KCNG4: variants seen among roughly 807,000 people sequenced by gnomAD.
KCNG4 encodes voltage-gated potassium channel regulatory subunit KCNG4.
Under a neutral mutation model 28.2 loss-of-function variants are expected in KCNG4, and 30 were observed. The ratio of observed to expected loss-of-function variants is 1.06; its 90% CI spans 0.80 to 1.44. The LOEUF (loss-of-function observed/expected upper bound fraction) is 1.44. Ranked by LOEUF, KCNG4 falls within the 40% of genes most tolerant of loss-of-function variation. KCNG4 has a pLI of 0.00. For synonymous variants in KCNG4, 375 were observed against 315.5 expected, an observed-to-expected ratio of 1.19 and a Z score of -2.00; for missense variants, 879 against 712.3, an observed-to-expected ratio of 1.23 and a Z score of -2.66.
chr16:84,222,378 C>G lies in KCNG4; in HGVS notation c.1399G>C (p.Glu467Gln). The G allele has an allele frequency of 6.2e-7, 1 of 1,614,188 alleles. No individual in the cohort carries two copies. The highest frequency in any genetic ancestry group is 8.5e-7 in the Non-Finnish European group (1 of 1,180,018). ...AGGCGGGCCTGAAGCTGCTCCTGCT[C>G]CTTCTTGAGCTCCAGGTAGGAGTGG... ...FSHSYLELKK[E>Q]QEQLQARLRH... The change falls in exon 3 of 3, where the codon GAG becomes CAG. Residue 467 changes from glutamate (E) to glutamine (Q), a missense_variant. Physicochemically the swap from Glu to Gln is conservative, Grantham distance 29. Coordinates refer to ENST00000308251, the MANE Select transcript of KCNG4 (RefSeq NM_172347.3).
rs1249527296 is a variant in KCNG4 at position 84,228,721 on chromosome 16, C to T, written c.757-5701G>A. Among the ~76,000 whole-genome samples the T allele has an allele frequency of 2.0e-5, 3 of 152,220 alleles. 1 individual carries two copies. The highest frequency in any genetic ancestry group is 4.1e-4 in the South Asian group (2 of 4,830). On this transcript the variant is annotated intron_variant, in intron 2 of 2. Transcript: ENST00000308251. ...GGTCAGCCCCACCATGGGACCTGGC[C>T]GATGAGTCATCTCTCTGAAGGCGTC...
chr16:84,228,635 T>G (rs1207492874), intron 2 of KCNG4, among the ~76,000 whole-genome samples: 1 of 139,120 alleles, frequency 7.2e-6, no homozygotes, highest in Non-Finnish European at 1.5e-5. Context: ...TTCTAGCAGC[T>G]GTCCCCACTT....
In KCNG4 at chr16:84,239,919, ATT is replaced by A. The variant is rs57294981; in HGVS notation, c.-292_-291del. On this transcript the variant is annotated 5_prime_UTR_variant, in exon 1 of 3. Coordinates refer to ENST00000308251, the MANE Select transcript of KCNG4 (RefSeq NM_172347.3). ...GAGAGCCCTGGGGGATTGAGGTGGG[ATT>A]TTTTTTTTTTTTTAAAGGACCCAGA... 3.4e-3 allele frequency among the ~76,000 whole-genome samples: 505 copies of A among 148,692 alleles called. 2 individuals are homozygous for A. The highest frequency in any genetic ancestry group is 9.5e-3 in the African/African-American group (384 of 40,480).
intron 2 of KCNG4, among the ~76,000 whole-genome samples, chr16:84,228,692 A>G: frequency 6.6e-6 from 1 of 150,948 alleles, no homozygotes; most frequent in Non-Finnish European, 1.5e-5. Context: ...AACCAACCGG[A>G]CGGGGTCAGC....
Position 84,237,596 on chromosome 16 carries a change from C to T in KCNG4, c.-40-71G>A, listed in dbSNP as rs565167116. 4.7e-6 allele frequency: 5 copies of T among 1,061,978 alleles called. No individual in the cohort carries two copies. In the South Asian group the frequency reaches 1.1e-4, roughly 23 times the overall value. The allele number at this position is 1,061,978 out of a possible 1,614,324, so 65.8% of individuals were successfully genotyped here. A position where few individuals can be genotyped will look rare whatever the true frequency, so the allele number is the denominator to read the frequency against. On this transcript the variant is annotated intron_variant, in intron 1 of 2. Transcript: ENST00000308251. Reference sequence around the variant, plus strand: ...TCTTGGGGCAAAGAGTCCTGGATGTCACGACTGCAGATGTTCTTACGTGTG... The same window carrying T: ...TCTTGGGGCAAAGAGTCCTGGATGTTACGACTGCAGATGTTCTTACGTGTG...
intron 2 of KCNG4, 59 bp downstream of exon 2, chr16:84,236,671 A>G: frequency 6.6e-7 from 1 of 1,514,034 alleles, no homozygotes; most frequent in South Asian, 1.3e-5. Flanking sequence ...CCCCTAAAAG[A>G]CATCTCCGCC....
At chr16:84,229,492 C>G (rs1904774752) in intron 2 of KCNG4, among the ~76,000 whole-genome samples, 1 of 152,230 alleles carries the variant, frequency 6.6e-6, no homozygotes, top group Non-Finnish European at 1.5e-5. Flanking sequence ...TATCCACTGA[C>G]TCTGAATCTC....
At chr16:84,237,798 G>C (rs1905012384) in intron 1 of KCNG4, among the ~76,000 whole-genome samples, 1 of 152,190 alleles carries the variant, frequency 6.6e-6, no homozygotes, top group Admixed American at 6.5e-5. Flanking sequence ...ATGGGGGCTT[G>C]AGTAATTCAG....
At chr16:84,238,713 C>G (rs1236353409) in intron 1 of KCNG4, among the ~76,000 whole-genome samples, 1 of 152,072 alleles carries the variant, frequency 6.6e-6, no homozygotes, top group East Asian at 1.9e-4. Flanking sequence ...ACTAAAAATA[C>G]AAAAATTAGC....
intron 2 of KCNG4, among the ~76,000 whole-genome samples, chr16:84,233,701 G>A (rs919652176): frequency 6.6e-6 from 1 of 151,302 alleles, no homozygotes; most frequent in Non-Finnish European, 1.5e-5. Context: ...GTGAGATCCT[G>A]TCTCAAATTT....
chr16:84,231,014 C>T (rs1050696105), intron 2 of KCNG4, among the ~76,000 whole-genome samples: 12 of 152,180 alleles, frequency 7.9e-5, no homozygotes, highest in Non-Finnish European at 1.6e-4. Flanking sequence ...AGCCACCGGC[C>T]CCTGACTTGG....
At position 84,222,312 on chromosome 16, in the gene KCNG4, G is replaced by A. The variant is rs1210293310; in HGVS notation, c.1465C>T (p.Leu489Phe). ...QNTGPASECE[L>F]LDPHVASEHE... The stretch of plus-strand genomic sequence containing the variant: ...TCACTGGCCACATGGGGGTCCAGGA[G>A]TTCACATTCACTGGCTGGACCGGTG... Residue 489 changes from leucine to phenylalanine, a missense_variant, in exon 3 of 3, where the codon CTC becomes TTC. Physicochemically the swap from Leu to Phe is conservative, Grantham distance 22. Transcript: ENST00000308251. 23 of 1,614,218 alleles carry A rather than the reference G, an allele frequency of 1.4e-5. No homozygotes were observed. Among genetic ancestry groups the A allele is most frequent in the Admixed American group, 3.3e-5 (2 of 60,022 alleles).
chr16:84,225,214 G>T (rs146368725), intron 2 of KCNG4, among the ~76,000 whole-genome samples: 316 of 152,174 alleles, frequency 2.1e-3, no homozygotes, highest in African/African-American at 7.4e-3. Context: ...CCCACCGAGA[G>T]GTCTTTGCCA....
chr16:84,222,495 T>A lies in KCNG4; in HGVS notation c.1282A>T (p.Ser428Cys). 1 of 1,613,594 alleles carries A rather than the reference T, an allele frequency of 6.2e-7. No homozygotes were observed. Among genetic ancestry groups the A allele is most frequent in the Non-Finnish European group, 8.5e-7 (1 of 1,179,836 alleles). ...TVGYGDMVPR[S>C]VPGQMVALSS... is the part of the protein sequence containing the mutation. ...AGGGCCACCATCTGGCCTGGCACAC[T>A]GCGGGGCACCATGTCCCCGTAGCCC... Residue 428 changes from serine to cysteine, a missense_variant, in exon 3 of 3, where the codon AGT (serine) becomes TGT (cysteine). Transcript: ENST00000308251.
intron 2 of KCNG4, among the ~76,000 whole-genome samples, chr16:84,228,765 G>A (rs1354380398): frequency 2.6e-5 from 4 of 152,204 alleles, no homozygotes; most frequent in African/African-American, 9.7e-5. Context: ...TGTGAAGTGG[G>A]GAAGGTAACT....
intron 2 of KCNG4, among the ~76,000 whole-genome samples, chr16:84,224,937 A>G (rs943269387): frequency 3.3e-5 from 5 of 152,218 alleles, no homozygotes; most frequent in Admixed American, 3.3e-4. Flanking sequence ...GCGCAGTTTC[A>G]AATCCCATCT....
At position 84,222,018 on chromosome 16, in the gene KCNG4, C is replaced by T. The variant is rs1463901738; in HGVS notation, c.*199G>A. On this transcript the variant is annotated 3_prime_UTR_variant, in exon 3 of 3. Transcript: ENST00000308251. ...GAGAGGAAAAGGCAAGCAGGCTGGA[C>T]ACAGTCAGCCTGGGACATCGGGGCC... 4.9e-6 allele frequency: 3 copies of T among 610,998 alleles called. No individual in the cohort carries two copies. The African/African-American group carries it at 5.5e-5, about 11-fold the overall frequency. 37.8% of individuals were successfully genotyped at this position (610,998 alleles called of 1,614,324 possible). A position where few individuals can be genotyped will look rare whatever the true frequency, so the allele number is the denominator to read the frequency against.
chr16:84,224,415 C>T (rs984310829), intron 2 of KCNG4, among the ~76,000 whole-genome samples: 5 of 144,464 alleles, frequency 3.5e-5, no homozygotes, highest in Non-Finnish European at 7.7e-5. Context: ...CACACACACA[C>T]ACACACACAC....
chr16:84,230,477 C>T (rs544591044), intron 2 of KCNG4, among the ~76,000 whole-genome samples: 6 of 148,412 alleles, frequency 4.0e-5, no homozygotes, highest in African/African-American at 1.0e-4. Flanking sequence ...GAGGCTGAGG[C>T]AGGAGAATGG....
Sources: gnomAD v4.1 joint callset for allele counts (sites outside exome capture counted in the v4.1 genomes callset) on GRCh38, gnomAD v4.1.1 for gene constraint, MANE v1.5 for transcripts, NCBI Gene and HGNC (gene_info 2026-07-23, HGNC 2026-07-21) for gene names.